Variants in EMILIN1 observed in about 807,000 individuals in gnomAD.
EMILIN1 encodes elastin microfibril interfacer 1.
EMILIN1 carries 49 observed loss-of-function variants against 82.4 expected under a neutral mutation model. That is an observed-to-expected ratio of 0.59 (90% CI 0.47 to 0.75). The LOEUF (loss-of-function observed/expected upper bound fraction) is 0.75. Among genes scored for constraint, EMILIN1 ranks in the 30% least tolerant of loss-of-function variants. The probability of loss-of-function intolerance (pLI) is 0.00; values close to 1 mark genes in which losing one functional copy is unlikely to be tolerated. For synonymous variants in EMILIN1, 604 were observed against 602.2 expected, an observed-to-expected ratio of 1.00 and a Z score of -0.04; for missense variants, 1,313 against 1,366.4, an observed-to-expected ratio of 0.96 and a Z score of 0.62.
Position 27,085,868 on chromosome 2 carries a change from G to C in EMILIN1, c.2904G>C (p.Leu968=). 1 of 1,598,320 alleles carries C rather than the reference G, an allele frequency of 6.3e-7. No homozygotes were observed. Among genetic ancestry groups the C allele is most frequent in the Non-Finnish European group, 8.5e-7 (1 of 1,172,220 alleles). ...AGAGCCAGCCCAGCCCGGGCACCCT[G>C]GGCGTCTTCAGCCTCATCCTGCCGC... The part of the protein sequence containing the change: ...VAESQPSPGT[L]GVFSLILPLQ... Residue 968 remains leucine, a synonymous_variant, in exon 8 of 8, where the codon CTG becomes CTC. Transcript: ENST00000380320.
chr2:27,080,857 C>T lies in EMILIN1; in HGVS notation c.416C>T (p.Pro139Leu). The T allele has an allele frequency of 1.2e-6, 2 of 1,611,732 alleles. No homozygotes were observed. Among genetic ancestry groups the T allele is most frequent in the Non-Finnish European group, 1.7e-6 (2 of 1,179,294 alleles). The change falls in exon 3 of 8, where the codon CCT becomes CTT. Residue 139 changes from proline (P) to leucine (L), a missense_variant. Coordinates refer to ENST00000380320, the MANE Select transcript of EMILIN1 (RefSeq NM_007046.4). ...GAGAGTCCCGCTCCAGCGCTGGGGC[C>T]TGCGTCTTCCACACCACGGCCCCTG... ...CAESPAPALG[P>L]ASSTPRPLAR...
At position 27,083,287 on chromosome 2, in the gene EMILIN1, G is replaced by T; in HGVS notation, c.1716G>T (p.Gly572=). 6.2e-7 allele frequency: 1 copy of T among 1,613,122 alleles called. No homozygotes were observed. The highest frequency in any genetic ancestry group is 8.5e-7 in the Non-Finnish European group (1 of 1,179,714). Residue 572 remains glycine, a synonymous_variant, in exon 4 of 8, where the codon GGG becomes GGT. Transcript: ENST00000380320. ...LTAARLGQLE[G]LLQAHGDEGC... is the part of the protein sequence containing the mutation. Reference sequence around the variant, plus strand: ...CGGCCCGGCTAGGCCAACTGGAGGGGCTGCTGCAGGCCCATGGGGATGAGG... The same window carrying T: ...CGGCCCGGCTAGGCCAACTGGAGGGTCTGCTGCAGGCCCATGGGGATGAGG...
rs756882300 is a variant in EMILIN1, at chr2:27,085,209, T to C, written c.2625T>C (p.Ala875=). The C allele has an allele frequency of 6.2e-7, 1 of 1,614,066 alleles. No individual in the cohort carries two copies. The highest frequency in any genetic ancestry group is 8.5e-7 in the Non-Finnish European group (1 of 1,180,052). Reference sequence around the variant, plus strand: ...CTGTGCCCCAAGTGGCATTTTCAGCTGCTCTGAGTTTGCCCCGGTCTGAAC... The same window carrying C: ...CTGTGCCCCAAGTGGCATTTTCAGCCGCTCTGAGTTTGCCCCGGTCTGAAC... The part of the protein sequence containing the change: ...AAPVPQVAFS[A]ALSLPRSEPG... Residue 875 remains alanine, a synonymous_variant, in exon 7 of 8, where the codon GCT becomes GCC. Transcript: ENST00000380320.
At chr2:27,085,629 C>T (rs1163745213) in intron 7 of EMILIN1, 49 bp from the exon 8 acceptor site, 3 of 1,510,560 alleles carry the variant, frequency 2.0e-6, no homozygotes, top group Non-Finnish European at 2.7e-6. Context: ...AGTTCTGGTG[C>T]GCTCCCCGGA....
At position 27,080,226 on chromosome 2, in the gene EMILIN1, C is replaced by G; in HGVS notation, c.246C>G (p.Tyr82Ter). The stretch of plus-strand genomic sequence containing the variant: ...ATGGAGTGGAGACATATGTCAAGTA[C>G]CAGCCTTGTGCCTGGGGCCAGCCCC... The part of the protein sequence containing the change: ...LEDGVETYVK[Y>*]QPCAWGQPQC... The change falls in exon 2 of 8, where the codon TAC (tyrosine) becomes TAG (stop). Residue 82 changes from tyrosine (Y) to a stop codon, truncating the protein, a stop_gained. Transcript: ENST00000380320. LOFTEE classifies it high-confidence loss of function. 6.2e-7 allele frequency: 1 copy of G among 1,614,112 alleles called. No individual in the cohort carries two copies. Among genetic ancestry groups the G allele is most frequent in the Non-Finnish European group, 8.5e-7 (1 of 1,179,956 alleles).
Position 27,083,801 on chromosome 2 carries a change from C to G in EMILIN1, c.2230C>G (p.Leu744Val). The G allele has an allele frequency of 6.2e-7, 1 of 1,601,472 alleles. No homozygotes were observed. Residue 744 changes from leucine (L) to valine (V), a missense_variant, in exon 4 of 8, where the codon CTG becomes GTG. Physicochemically the swap from Leu to Val is conservative, Grantham distance 32. Coordinates refer to ENST00000380320, the MANE Select transcript of EMILIN1 (RefSeq NM_007046.4). Reference sequence around the variant, plus strand: ...ACGGTTGGACACTGTGGCTGGGGGACTGCAGGGCCTGCGCGAGGGCCTTTC... The same window carrying G: ...ACGGTTGGACACTGTGGCTGGGGGAGTGCAGGGCCTGCGCGAGGGCCTTTC... The part of the protein sequence containing the change: ...CERLDTVAGG[L>V]QGLREGLSRH...
At chr2:27,084,888 T>C in intron 5 of EMILIN1, 103 bp from the exon 6 acceptor site, 1 of 1,105,802 alleles carries the variant, frequency 9.0e-7, no homozygotes, top group Non-Finnish European at 1.4e-6. Context: ...TGCTTTGAAG[T>C]CCACGTAGCA....
rs767567748 is a variant in EMILIN1, at chr2:27,082,460, C to T, written c.889C>T (p.Arg297Trp). 1.5e-5 allele frequency: 24 copies of T among 1,569,228 alleles called. No individual in the cohort carries two copies. The highest frequency in any genetic ancestry group is 2.4e-5 in the East Asian group (1 of 41,848). The change falls in exon 4 of 8, where the codon CGG (arginine) becomes TGG (tryptophan). Residue 297 changes from arginine to tryptophan, a missense_variant. Coordinates refer to ENST00000380320, the MANE Select transcript of EMILIN1 (RefSeq NM_007046.4). Reference sequence around the variant, plus strand: ...GGAGCTGCTGCGGCAGCTGGAGCAGCGGTTGCAGGAGTCCTGCTCCGTGTG... The same window carrying T: ...GGAGCTGCTGCGGCAGCTGGAGCAGTGGTTGCAGGAGTCCTGCTCCGTGTG... The part of the protein sequence containing the change: ...SEELLRQLEQ[R>W]LQESCSVCLA...
Position 27,083,463 on chromosome 2 carries a change from T to C in EMILIN1, c.1892T>C (p.Val631Ala). 6.2e-7 allele frequency: 1 copy of C among 1,612,972 alleles called. No individual in the cohort carries two copies. Among genetic ancestry groups the C allele is most frequent in the Non-Finnish European group, 8.5e-7 (1 of 1,179,714 alleles). The stretch of plus-strand genomic sequence containing the variant: ...CGTGGGCCCCTGGACGGCTTCAGCG[T>C]GTTTGGGGGCAGCTCAGGCTCAGCC... ...PSRGPLDGFS[V>A]FGGSSGSALQ... The change falls in exon 4 of 8, where the codon GTG (valine) becomes GCG (alanine). Residue 631 changes from valine (V) to alanine (A), a missense_variant. Transcript: ENST00000380320.
chr2:27,082,351 C>T lies in EMILIN1; in HGVS notation c.780C>T (p.His260=). 3 of 1,612,448 alleles carry T rather than the reference C, an allele frequency of 1.9e-6. No homozygotes were observed. Among genetic ancestry groups the T allele is most frequent in the Non-Finnish European group, 2.5e-6 (3 of 1,179,840 alleles). ...RVSTHDQELG[H]LNNHHGGSSS... The stretch of plus-strand genomic sequence containing the variant: ...CCACCCACGACCAGGAGCTGGGTCA[C>T]CTCAACAACCATCATGGCGGCAGCA... The change falls in exon 4 of 8, where the codon CAC becomes CAT. Residue 260 remains histidine, a synonymous_variant. Coordinates refer to ENST00000380320, the MANE Select transcript of EMILIN1 (RefSeq NM_007046.4).
rs752741123 is a variant in EMILIN1 at position 27,085,742 on chromosome 2, C to A, written c.2778C>A (p.His926Gln). 1.2e-6 allele frequency: 2 copies of A among 1,610,700 alleles called. No homozygotes were observed. Among genetic ancestry groups the A allele is most frequent in the African/African-American group, 1.3e-5 (1 of 74,988 alleles). ...LLSAVLTGHR[H>Q]EKVEAVLSRS... ...GCGCGGTGCTGACTGGGCACCGGCA[C>A]GAGAAAGTGGAGGCCGTGCTGTCCC... Residue 926 changes from histidine to glutamine, a missense_variant, in exon 8 of 8, where the codon CAC becomes CAA. By Grantham distance (24) the His-to-Gln change is conservative. Coordinates refer to ENST00000380320, the MANE Select transcript of EMILIN1 (RefSeq NM_007046.4).
At position 27,078,876 on chromosome 2, in the gene EMILIN1, A is replaced by G; in HGVS notation, c.-190A>G. ...AGGGGACGGACAGGAGCTGAGGAGGAAAGAGGAGGGGAGAGGGGTCAGGCC... is the reference window on the plus strand; with the variant it reads ...AGGGGACGGACAGGAGCTGAGGAGGGAAGAGGAGGGGAGAGGGGTCAGGCC... On this transcript the variant is annotated 5_prime_UTR_variant, in exon 1 of 8. Transcript: ENST00000380320. The G allele has an allele frequency of 2.0e-6, 1 of 500,246 alleles. No individual in the cohort carries two copies. Among genetic ancestry groups the G allele is most frequent in the Non-Finnish European group, 3.5e-6 (1 of 284,862 alleles). The allele number at this position is 500,246 out of a possible 1,614,324, so 31.0% of individuals were successfully genotyped here.
In EMILIN1 at chr2:27,084,534, A is replaced by T. The variant is rs185807833; in HGVS notation, c.2557+3A>T. On this transcript the variant is annotated splice_donor_region_variant and intron_variant, in intron 5 of 7. Coordinates refer to ENST00000380320, the MANE Select transcript of EMILIN1 (RefSeq NM_007046.4). ...AGAGGGCCCCATCGGGCCACCAGGTATGTGCACTGAGACCCTTGCTGCAGT... is the reference window on the plus strand; with the variant it reads ...AGAGGGCCCCATCGGGCCACCAGGTTTGTGCACTGAGACCCTTGCTGCAGT... 1.3e-6 allele frequency: 2 copies of T among 1,581,590 alleles called. No individual in the cohort carries two copies. The highest frequency in any genetic ancestry group is 1.7e-6 in the Non-Finnish European group (2 of 1,151,126).
Position 27,082,451 on chromosome 2 carries a change from C to T in EMILIN1, c.880C>T (p.Leu294=). 1 of 1,578,282 alleles carries T rather than the reference C, an allele frequency of 6.3e-7. No individual in the cohort carries two copies. The highest frequency in any genetic ancestry group is 8.6e-7 in the Non-Finnish European group (1 of 1,165,080). ...PGPSEELLRQ[L]EQRLQESCSV... Reference sequence around the variant, plus strand: ...CCCCAGTGAGGAGCTGCTGCGGCAGCTGGAGCAGCGGTTGCAGGAGTCCTG... The same window carrying T: ...CCCCAGTGAGGAGCTGCTGCGGCAGTTGGAGCAGCGGTTGCAGGAGTCCTG... The change falls in exon 4 of 8, where the codon CTG becomes TTG. Residue 294 remains leucine, a synonymous_variant. Coordinates refer to ENST00000380320, the MANE Select transcript of EMILIN1 (RefSeq NM_007046.4).
Position 27,082,796 on chromosome 2 carries a change from C to T in EMILIN1, c.1225C>T (p.Arg409Cys). 4 of 1,549,030 alleles carry T rather than the reference C, an allele frequency of 2.6e-6. No homozygotes were observed. The highest frequency in any genetic ancestry group is 2.6e-6 in the Non-Finnish European group (3 of 1,154,620). ...GYTSLASRLS[R>C]LEDRFNSTLG... ...CACCAGCTTGGCCTCCCGCCTGTCT[C>T]GCCTGGAGGACCGCTTCAACTCCAC... Residue 409 changes from arginine (R) to cysteine (C), a missense_variant, in exon 4 of 8, where the codon CGC becomes TGC. Coordinates refer to ENST00000380320, the MANE Select transcript of EMILIN1 (RefSeq NM_007046.4).
At chr2:27,079,838 T>A (rs1292661140) in intron 1 of EMILIN1, among the ~76,000 whole-genome samples, 1 of 152,200 alleles carries the variant, frequency 6.6e-6, no homozygotes, top group African/African-American at 2.4e-5. Flanking sequence ...ATCTGGGGAC[T>A]GAGACAGGCC....
Position 27,085,974 on chromosome 2 carries a change from G to A in EMILIN1, c.3010G>A (p.Gly1004Arg). 1 of 1,497,922 alleles carries A rather than the reference G, an allele frequency of 6.7e-7. No homozygotes were observed. The highest frequency in any genetic ancestry group is 9.0e-7 in the Non-Finnish European group (1 of 1,115,464). The allele number at this position is 1,497,922 out of a possible 1,614,324, so 92.8% of individuals were successfully genotyped here. ...GGAGGAGCCGCTCACCATCTTCAGC[G>A]GGGCCCTGCTCTATGGGGACCCAGA... ...HSEEPLTIFSGALLYGDPELE... is the reference protein window; with the variant it reads ...HSEEPLTIFSRALLYGDPELE... The change falls in exon 8 of 8, where the codon GGG becomes AGG. Residue 1004 changes from glycine (G) to arginine (R), a missense_variant. Gly to Arg is a moderately radical substitution (Grantham distance 125, BLOSUM62 -2). Transcript: ENST00000380320.
At position 27,082,988 on chromosome 2, in the gene EMILIN1, G is replaced by A; in HGVS notation, c.1417G>A (p.Gly473Arg). 5.7e-6 allele frequency: 9 copies of A among 1,574,922 alleles called. No individual in the cohort carries two copies. The highest frequency in any genetic ancestry group is 7.8e-6 in the Non-Finnish European group (9 of 1,160,398). ...GGATCTGTTGGAGGAGCAGGTGGCA[G>A]GGGCCATGCAGGCATGCGGGCAGCT... ...RLDLLEEQVAGAMQACGQLCS... is the reference protein window; with the variant it reads ...RLDLLEEQVARAMQACGQLCS... The change falls in exon 4 of 8, where the codon GGG (glycine) becomes AGG (arginine). Residue 473 changes from glycine to arginine, a missense_variant. Transcript: ENST00000380320.
In EMILIN1 at chr2:27,082,252, G is replaced by C; in HGVS notation, c.681G>C (p.Ala227=). Reference sequence around the variant, plus strand: ...ACGGGAGGCAGCAGCCAGCTGACGCGGCTGCCCGCCCTGGGGTGCATGAAA... The same window carrying C: ...ACGGGAGGCAGCAGCCAGCTGACGCCGCTGCCCGCCCTGGGGTGCATGAAA... The part of the protein sequence containing the change: ...AFNGRQQPAD[A]AARPGVHETL... The change falls in exon 4 of 8, where the codon GCG becomes GCC. Residue 227 remains alanine (A), a synonymous_variant. Coordinates refer to ENST00000380320, the MANE Select transcript of EMILIN1 (RefSeq NM_007046.4). 6 of 1,613,252 alleles carry C rather than the reference G, an allele frequency of 3.7e-6. No homozygotes were observed. The highest frequency in any genetic ancestry group is 5.1e-6 in the Non-Finnish European group (6 of 1,179,918).
Sources: gnomAD v4.1 joint callset for allele counts (sites outside exome capture counted in the v4.1 genomes callset) on GRCh38, gnomAD v4.1.1 for gene constraint, MANE v1.5 for transcripts, NCBI Gene and HGNC (gene_info 2026-07-23, HGNC 2026-07-21) for gene names.